DSTYK: variants seen among roughly 807,000 people sequenced by gnomAD.
DSTYK encodes RIP-homologous kinase.
A neutral mutation model predicts 98.7 loss-of-function variants in DSTYK; 34 were observed. That is an observed-to-expected ratio of 0.34 (90% CI 0.26 to 0.46). DSTYK has a LOEUF of 0.46. DSTYK is among the 20% of genes least tolerant of loss of function. The pLI, the probability that DSTYK is intolerant of heterozygous loss-of-function variation, is 1.00. For synonymous variants in DSTYK, 462 were observed against 457.3 expected (o/e 1.01, Z -0.13); for missense variants, 962 against 1,181.7 (o/e 0.81, Z 2.73).
intron 2 of DSTYK, among the ~76,000 whole-genome samples, chr1:205,181,653 G>GGGGTGTGTGTGTGTGTGTGTGT (rs758360038): frequency 3.6e-5 from 3 of 83,962 alleles, no homozygotes; most frequent in East Asian, 5.1e-4. Context: ...CAGATGTTGG[G>GGGGTGTGTGTGTGTGTGTGTGT]GTTTGTGTGT....
Position 205,162,783 on chromosome 1 carries a change from T to G in DSTYK, c.1641+140A>C, listed in dbSNP as rs571165815. On this transcript the variant is annotated intron_variant, in intron 5 of 12. Coordinates refer to ENST00000367162, the MANE Select transcript of DSTYK (RefSeq NM_015375.3). The stretch of plus-strand genomic sequence containing the variant: ...TTTAAGAATAGGCATAAACCAGAAT[T>G]CTCCCAGGCAGGCAAACCAGAACAA... 87 of 651,142 alleles carry G rather than the reference T, an allele frequency of 1.3e-4. No homozygotes were observed. In the East Asian group the frequency reaches 2.1e-3, roughly 16 times the overall value. 40.3% of individuals were successfully genotyped at this position (651,142 alleles called of 1,614,324 possible).
chr1:205,202,860 G>A (rs1404560614), intron 1 of DSTYK: 3 of 367,428 alleles, frequency 8.2e-6, no homozygotes, highest in Non-Finnish European at 1.5e-5. Flanking sequence ...ACAGGTATAA[G>A]GTAAAATTCA....
At chr1:205,206,216 T>C (rs920361255) in intron 1 of DSTYK, among the ~76,000 whole-genome samples, 1 of 152,350 alleles carries the variant, frequency 6.6e-6, no homozygotes, top group African/African-American at 2.4e-5. Flanking sequence ...CACTCAGGTA[T>C]TTATTGAATA....
intron 12 of DSTYK, 90 bp downstream of exon 12, chr1:205,148,115 G>A: frequency 3.2e-6 from 5 of 1,541,572 alleles, no homozygotes; most frequent in Non-Finnish European, 4.4e-6. Context: ...GGAGTGGCCA[G>A]ATGGGATGAC....
chr1:205,149,108 G>A (rs766900553), intron 11 of DSTYK, among the ~76,000 whole-genome samples: 6 of 151,952 alleles, frequency 3.9e-5, no homozygotes, highest in Non-Finnish European at 7.4e-5. Flanking sequence ...CTCCATGTTG[G>A]TCAGGGTAGT....
intron 2 of DSTYK, among the ~76,000 whole-genome samples, chr1:205,175,413 T>C (rs1306241537): frequency 6.6e-6 from 1 of 152,176 alleles, no homozygotes; most frequent in Non-Finnish European, 1.5e-5. Context: ...TTCCTAAATA[T>C]ACCTTGTACT....
intron 2 of DSTYK, among the ~76,000 whole-genome samples, chr1:205,175,281 T>C (rs1246131367): frequency 6.6e-6 from 1 of 151,296 alleles, no homozygotes; most frequent in Non-Finnish European, 1.5e-5. Flanking sequence ...TTTAGTGGAG[T>C]CAGGGTTTCA....
chr1:205,199,102 T>C (rs1369056938), intron 1 of DSTYK, among the ~76,000 whole-genome samples: 2 of 152,184 alleles, frequency 1.3e-5, no homozygotes, highest in Admixed American at 1.3e-4. Context: ...ACAATTCTGA[T>C]GTATCATTAG....
chr1:205,195,746 A>G (rs1658847125), intron 1 of DSTYK, among the ~76,000 whole-genome samples: 1 of 152,244 alleles, frequency 6.6e-6, no homozygotes, highest in Non-Finnish European at 1.5e-5. Flanking sequence ...AGCAGATAGT[A>G]TTGGCACCGG....
intron 1 of DSTYK, among the ~76,000 whole-genome samples, chr1:205,200,769 T>C (rs1558626210): frequency 6.6e-6 from 1 of 152,228 alleles, no homozygotes; most frequent in Admixed American, 6.5e-5. Context: ...TCCCATATCA[T>C]GGTGAAGCTC....
intron 10 of DSTYK, 31 bp downstream of exon 10, chr1:205,157,242 G>T: frequency 6.3e-7 from 1 of 1,579,500 alleles, no homozygotes; most frequent in Non-Finnish European, 8.7e-7. Context: ...CAGAGGTAGG[G>T]TATAATCTTG....
At chr1:205,189,542 T>C (rs896041569) in intron 1 of DSTYK, among the ~76,000 whole-genome samples, 1 of 152,238 alleles carries the variant, frequency 6.6e-6, no homozygotes, top group Non-Finnish European at 1.5e-5. Context: ...AAATTATTTG[T>C]AGGCCATTTA....
intron 4 of DSTYK, 84 bp downstream of exon 4, chr1:205,163,639 C>G: frequency 1.8e-6 from 2 of 1,127,212 alleles, no homozygotes; most frequent in Non-Finnish European, 2.6e-6. Context: ...AAGGGAAATT[C>G]TTGCCTAATT....
At chr1:205,191,669 TATAAC>T (rs1658717117) in intron 1 of DSTYK, among the ~76,000 whole-genome samples, 1 of 152,204 alleles carries the variant, frequency 6.6e-6, no homozygotes, top group African/African-American at 2.4e-5. Context: ...CTTGGACCAC[TATAAC>T]TGCAGAACAA....
At chr1:205,160,956 T>C (rs1657703254) in intron 7 of DSTYK, among the ~76,000 whole-genome samples, 1 of 152,030 alleles carries the variant, frequency 6.6e-6, no homozygotes, top group African/African-American at 2.4e-5. Flanking sequence ...ATTTTTTTAG[T>C]AGAGATGGGG....
At chr1:205,181,656 TTGTGTGTGTGTG>T (rs35775611) in intron 2 of DSTYK, among the ~76,000 whole-genome samples, 10 of 142,644 alleles carry the variant, frequency 7.0e-5, no homozygotes, top group Non-Finnish European at 1.2e-4. Context: ...ATGTTGGGGT[TTGTGTGTGTGTG>T]TGTGTGTGTG....
chr1:205,160,008 C>T, intron 8 of DSTYK, 106 bp downstream of exon 8: 5 of 1,360,686 alleles, frequency 3.7e-6, no homozygotes, highest in African/African-American at 1.4e-5. Context: ...ACACAGAAAA[C>T]TAAATATAGA....
chr1:205,209,552 ATG>A (rs1273387390), intron 1 of DSTYK, among the ~76,000 whole-genome samples: 16 of 151,688 alleles, frequency 1.1e-4, no homozygotes, highest in East Asian at 3.9e-4. Flanking sequence ...AGGGTCCTAA[ATG>A]ATACCGTTCC....
intron 1 of DSTYK, 67 bp from the exon 2 acceptor site, chr1:205,187,873 G>C: frequency 5.3e-5 from 73 of 1,365,448 alleles, no homozygotes; most frequent in Non-Finnish European, 7.1e-5. Context: ...GAAGGGGAGA[G>C]AGAGAGACTC....
Sources: allele counts gnomAD v4.1 joint callset (sites outside exome capture counted in the v4.1 genomes callset), GRCh38; gene constraint gnomAD v4.1.1; transcripts MANE v1.5; gene names NCBI Gene and HGNC (gene_info 2026-07-23, HGNC 2026-07-21).